The following SAMD4B variants were observed in gnomAD, a reference collection of about 807,000 sequenced individuals.
SAMD4B encodes the protein sterile alpha motif domain containing 4B, also known as protein Smaug homolog 2.
In SAMD4B, 5 loss-of-function variants were observed where a neutral mutation model predicts 74.5. That is an observed-to-expected ratio of 0.07 (90% CI 0.04 to 0.14). The LOEUF is 0.14. Among genes scored for constraint, SAMD4B ranks in the 10% least tolerant of loss-of-function variants. The probability of loss-of-function intolerance (pLI) is 1.00; values close to 1 mark genes in which losing one functional copy is unlikely to be tolerated. For missense variants in SAMD4B, 608 were observed against 921.8 expected (o/e 0.66, Z 4.41); for synonymous variants, 373 against 374.9 (o/e 1.00, Z 0.06).
At chr19:39,380,526 AG>A (rs2077901594) in intron 10 of SAMD4B, 60 bp from the exon 11 acceptor site, 1 of 1,552,598 alleles carries the variant, frequency 6.4e-7, no homozygotes, top group African/African-American at 1.4e-5. Context: ...AAGGTGAGGA[AG>A]GGGTGGACAG....
At chr19:39,355,423 C>A (rs189872154) in intron 2 of SAMD4B, among the ~76,000 whole-genome samples, 2 of 152,294 alleles carry the variant, frequency 1.3e-5, no homozygotes, top group African/African-American at 2.4e-5. Context: ...CACCCCACAG[C>A]CCTCCTCAGC....
rs2078205732 is a variant in SAMD4B at position 39,384,947 on chromosome 19, CTGCA to C, written c.*1421_*1424del. On this transcript the variant is annotated 3_prime_UTR_variant, in exon 14 of 14. Coordinates refer to ENST00000610417, the MANE Select transcript of SAMD4B (RefSeq NM_001384574.2). ...AAAAATTTTAAAACCACCACCCTCC[CTGCA>C]CTATCACCCCATTCCCCAGACCTTC... The C allele has an allele frequency of 6.6e-6, 1 of 152,572 alleles. No homozygotes were observed. 9.5% of individuals were successfully genotyped at this position (152,572 alleles called of 1,614,324 possible). A position where few individuals can be genotyped will look rare whatever the true frequency, so the allele number is the denominator to read the frequency against.
chr19:39,368,199 G>A (rs2077086133), intron 3 of SAMD4B, among the ~76,000 whole-genome samples: 1 of 152,080 alleles, frequency 6.6e-6, no homozygotes, highest in Non-Finnish European at 1.5e-5. Flanking sequence ...GGGCGACAGA[G>A]CGAGACTCCG....
Position 39,375,718 on chromosome 19 carries a change from G to A in SAMD4B, c.736G>A (p.Val246Ile). 6.2e-7 allele frequency: 1 copy of A among 1,614,128 alleles called. No individual in the cohort carries two copies. The highest frequency in any genetic ancestry group is 1.1e-5 in the South Asian group (1 of 91,086). Reference sequence around the variant, plus strand: ...GTCACTCATCCCTACAAGCCCCCAGGTCCCTGGTGAGTGGCCGAGTCCAGA... The same window carrying A: ...GTCACTCATCCCTACAAGCCCCCAGATCCCTGGTGAGTGGCCGAGTCCAGA... ...SMSLIPTSPQVPGEWPSPEEL... is the reference protein window; with the variant it reads ...SMSLIPTSPQIPGEWPSPEEL... The change falls in exon 5 of 14, where the codon GTC becomes ATC. Residue 246 changes from valine (V) to isoleucine (I), a missense_variant. Physicochemically the swap from Val to Ile is conservative, Grantham distance 29 (BLOSUM62 3). This residue lies in a region of SAMD4B where 153 missense variants were observed against 153.0 expected (regional missense o/e 1.00). Transcript: ENST00000610417. The surrounding 1 kb of genome is among the most constrained non-coding windows in gnomAD (Gnocchi z 4.1).
chr19:39,370,720 G>A (rs2077242724), intron 4 of SAMD4B, among the ~76,000 whole-genome samples: 1 of 152,208 alleles, frequency 6.6e-6, no homozygotes, highest in Non-Finnish European at 1.5e-5. Context: ...AACACTGTCT[G>A]TATAAGACAA....
chr19:39,353,799 G>A (rs754440445), intron 1 of SAMD4B, among the ~76,000 whole-genome samples: 11 of 151,930 alleles, frequency 7.2e-5, no homozygotes, highest in Non-Finnish European at 1.3e-4. Flanking sequence ...ATGGAGTTTC[G>A]CCATGTTGGC....
chr19:39,380,311 A>T (rs977976235), intron 10 of SAMD4B, among the ~76,000 whole-genome samples: 1 of 152,236 alleles, frequency 6.6e-6, no homozygotes, highest in African/African-American at 2.4e-5. Flanking sequence ...GCCTGTATGC[A>T]GAGGGCCTGG....
rs1489143567 is a variant in SAMD4B at position 39,385,422 on chromosome 19, C to G, written c.*1895C>G. 1 of 414,506 alleles carries G rather than the reference C, an allele frequency of 2.4e-6. No individual in the cohort carries two copies. Among genetic ancestry groups the G allele is most frequent in the Non-Finnish European group, 4.3e-6 (1 of 234,484 alleles). The allele number at this position is 414,506 out of a possible 1,614,324, so 25.7% of individuals were successfully genotyped here. On this transcript the variant is annotated 3_prime_UTR_variant, in exon 14 of 14. Transcript: ENST00000610417. ...TCTCACACACACAGGGAGGCAAGAG[C>G]TGCCCCCCACCCCACCTGACAGCAG...
rs1273740238 is a variant in SAMD4B, at chr19:39,369,667, A to G, written c.209A>G (p.Gln70Arg). Residue 70 changes from glutamine (Q) to arginine (R), a missense_variant, in exon 4 of 14, where the codon CAG (glutamine) becomes CGG (arginine). Around this residue, in one of 9 missense-constraint regions of SAMD4B, gnomAD observed 74 missense variants for 182.0 expected, o/e 0.41. Transcript: ENST00000610417. ...SEANSAAIVSQWQQESKEKVV... is the reference protein window; with the variant it reads ...SEANSAAIVSRWQQESKEKVV... ...ATCCCTTCTGTAGCCATCGTCAGCC[A>G]GTGGCAGCAGGAGTCCAAAGAGAAG... 1.9e-6 allele frequency: 3 copies of G among 1,613,836 alleles called. No individual in the cohort carries two copies. The African/African-American group carries it at 4.0e-5, about 22-fold the overall frequency.
intron 3 of SAMD4B, among the ~76,000 whole-genome samples, chr19:39,361,287 C>G (rs1364585598): frequency 6.6e-6 from 1 of 152,174 alleles, no homozygotes. Flanking sequence ...CTCCACAAAC[C>G]AACTCTTGAG....
intron 1 of SAMD4B, chr19:39,348,141 A>C (rs186924152): frequency 6.6e-6 from 1 of 152,226 alleles, no homozygotes; most frequent in Non-Finnish European, 1.5e-5. Flanking sequence ...GCATTGTTAC[A>C]TGCAGAAAAA....
chr19:39,390,128 A>G (rs1161992347), downstream of SAMD4B: 3 of 1,613,906 alleles, frequency 1.9e-6, no homozygotes, highest in East Asian at 2.2e-5. Context: ...CAGGGAGGCT[A>G]TTGCAGTACT....
downstream of SAMD4B, chr19:39,390,689 A>T: frequency 1.0e-6 from 1 of 993,988 alleles, no homozygotes; most frequent in Non-Finnish European, 1.5e-6. Context: ...TCTCAGAAGG[A>T]ACCCGCCCCC....
At chr19:39,368,943 T>A (rs962821170) in intron 3 of SAMD4B, among the ~76,000 whole-genome samples, 1 of 152,204 alleles carries the variant, frequency 6.6e-6, no homozygotes, top group Non-Finnish European at 1.5e-5. Flanking sequence ...TACCACTGCC[T>A]TCTCCATTCA....
intron 3 of SAMD4B, among the ~76,000 whole-genome samples, chr19:39,358,997 C>T (rs1322861628): frequency 1.3e-5 from 2 of 152,234 alleles, no homozygotes; most frequent in East Asian, 3.8e-4. Flanking sequence ...GGGGTCACAT[C>T]AGCTTAGTTC....
Position 39,376,579 on chromosome 19 carries a change from G to T in SAMD4B, c.1017+33G>T, listed in dbSNP as rs527865170. 5 of 1,596,274 alleles carry T rather than the reference G, an allele frequency of 3.1e-6. No homozygotes were observed. The South Asian group carries it at 3.3e-5, about 11-fold the overall frequency. On this transcript the variant is annotated intron_variant, in intron 6 of 13. Coordinates refer to ENST00000610417, the MANE Select transcript of SAMD4B (RefSeq NM_001384574.2). Reference sequence around the variant, plus strand: ...CAAGGGGACCATCAGGGAGGTGCTGGGGGCAGCGCTAGTTTGGCATCCTTG... The same window carrying T: ...CAAGGGGACCATCAGGGAGGTGCTGTGGGCAGCGCTAGTTTGGCATCCTTG...
At position 39,376,531 on chromosome 19, in the gene SAMD4B, G is replaced by A. The variant is rs772857513; in HGVS notation, c.1002G>A (p.Gln334=). 2.5e-6 allele frequency: 4 copies of A among 1,613,212 alleles called. No homozygotes were observed. In the South Asian group the frequency reaches 3.3e-5, roughly 13 times the overall value. Residue 334 remains glutamine, a synonymous_variant, in exon 6 of 14, where the codon CAG becomes CAA. Coordinates refer to ENST00000610417, the MANE Select transcript of SAMD4B (RefSeq NM_001384574.2). ...AGGAGATGATGACACTGACTGAGCAGCACCTGGAGTCTCAGGTGAAGCCAA... is the reference window on the plus strand; with the variant it reads ...AGGAGATGATGACACTGACTGAGCAACACCTGGAGTCTCAGGTGAAGCCAA... The part of the protein sequence containing the change: ...SYEEMMTLTE[Q]HLESQNVTKG...
chr19:39,381,242 C>A, intron 12 of SAMD4B, 129 bp downstream of exon 12: 1 of 1,088,574 alleles, frequency 9.2e-7, no homozygotes, highest in Non-Finnish European at 1.3e-6. Flanking sequence ...TCACACCACT[C>A]TGCACCCATC....
Position 39,369,878 on chromosome 19 carries a change from C to T in SAMD4B, c.420C>T (p.Arg140=), listed in dbSNP as rs2077183907. The T allele has an allele frequency of 1.2e-6, 2 of 1,614,264 alleles. No homozygotes were observed. Among genetic ancestry groups the T allele is most frequent in the Non-Finnish European group, 1.7e-6 (2 of 1,180,050 alleles). Residue 140 remains arginine (R), a synonymous_variant, in exon 4 of 14, where the codon CGC becomes CGT. Coordinates refer to ENST00000610417, the MANE Select transcript of SAMD4B (RefSeq NM_001384574.2). ...LIHPATTLED[R]NALALWLSHL... Reference sequence around the variant, plus strand: ...ACCCAGCCACCACACTGGAGGACCGCAACGCACTGGCCCTCTGGCTGAGCC... The same window carrying T: ...ACCCAGCCACCACACTGGAGGACCGTAACGCACTGGCCCTCTGGCTGAGCC...
Sources: gnomAD v4.1 joint callset for allele counts (sites outside exome capture counted in the v4.1 genomes callset) on GRCh38, gnomAD v4.1.1 for gene constraint, gnomAD v4.1.1 regional missense constraint, Gnocchi (gnomAD v3.1) non-coding constraint, MANE v1.5 for transcripts, NCBI Gene and HGNC (gene_info 2026-07-23, HGNC 2026-07-21) for gene names.